Variants in TIAM2 observed in about 807,000 individuals in gnomAD.
TIAM2 encodes TIAM Rac1 associated GEF 2, also known as rho guanine nucleotide exchange factor TIAM2.
Under a neutral mutation model 152.9 loss-of-function variants are expected in TIAM2, and 80 were observed. That is an observed-to-expected ratio of 0.52 (90% CI 0.44 to 0.63). The LOEUF is 0.63. Ranked by LOEUF, TIAM2 falls within the 30% of genes least tolerant of loss-of-function variation. The probability of loss-of-function intolerance (pLI) is 0.00; values close to 1 mark genes in which losing one functional copy is unlikely to be tolerated. For missense variants in TIAM2, 1,965 were observed against 2,120.1 expected (o/e 0.93, Z 1.44); for synonymous variants, 804 against 838.0 (o/e 0.96, Z 0.70).
At chr6:155,233,402 G>A (rs1229889060) in intron 15 of TIAM2, among the ~76,000 whole-genome samples, 2 of 152,184 alleles carry the variant, frequency 1.3e-5, no homozygotes, top group Non-Finnish European at 2.9e-5. Flanking sequence ...GTGACTCAGA[G>A]CTTGGTTTGA....
In TIAM2 at chr6:155,256,984, CA is replaced by C; in HGVS notation, c.4970del (p.Gln1657ArgfsTer14). ...GTLLKAQIRH[Q>X]SLDSQSENAT... ...TTTGCTCAAGGCGCAGATCCGTCAC[CA>C]GTCCCTTGACAGTCAGTCTGAAAAT... is the stretch of plus-strand genomic sequence containing the variant. On this transcript the variant is annotated frameshift_variant, in exon 27 of 27. Transcript: ENST00000682666. LOFTEE classifies it high-confidence loss of function. 1 of 1,614,176 alleles carries C rather than the reference CA, an allele frequency of 6.2e-7. No individual in the cohort carries two copies.
chr6:155,038,941 T>C (rs955293218), intron 1 of TIAM2, among the ~76,000 whole-genome samples: 2 of 137,548 alleles, frequency 1.5e-5, no homozygotes, highest in African/African-American at 5.4e-5. Flanking sequence ...AGCGAGAGCC[T>C]GTGAGCATGT....
intron 14 of TIAM2, among the ~76,000 whole-genome samples, chr6:155,190,074 G>C (rs988151969): frequency 6.6e-6 from 1 of 152,196 alleles, no homozygotes; most frequent in Admixed American, 6.5e-5. Flanking sequence ...ATAACGTATC[G>C]TTGCATGTAT....
chr6:155,096,699 G>A (rs983367827), intron 2 of TIAM2, among the ~76,000 whole-genome samples: 1 of 151,972 alleles, frequency 6.6e-6, no homozygotes, highest in Non-Finnish European at 1.5e-5. Context: ...TCTTTTTATG[G>A]CTGAATAATA....
intron 9 of TIAM2, among the ~76,000 whole-genome samples, chr6:155,168,384 G>A (rs968267184): frequency 4.6e-5 from 7 of 151,502 alleles, no homozygotes; most frequent in African/African-American, 1.7e-4. Context: ...ATTTGATACA[G>A]TCTCGTGCTG....
At chr6:155,201,696 A>T (rs1488209731) in intron 14 of TIAM2, among the ~76,000 whole-genome samples, 2 of 152,236 alleles carry the variant, frequency 1.3e-5, no homozygotes, top group African/African-American at 4.8e-5. Flanking sequence ...GGTGGCTGGC[A>T]GCACCTTTCT....
chr6:155,251,131 C>T, intron 22 of TIAM2, 110 bp downstream of exon 22: 1 of 927,566 alleles, frequency 1.1e-6, no homozygotes, highest in East Asian at 2.4e-5. Context: ...GTCAGAATTG[C>T]TATAATGGTT....
intron 14 of TIAM2, among the ~76,000 whole-genome samples, chr6:155,205,321 A>C (rs1159822704): frequency 6.6e-6 from 1 of 151,180 alleles, no homozygotes; most frequent in Non-Finnish European, 1.5e-5. Flanking sequence ...TTGAAATTTT[A>C]AATTTAATTT....
intron 1 of TIAM2, among the ~76,000 whole-genome samples, chr6:155,025,463 G>T (rs1165730474): frequency 2.0e-5 from 3 of 151,820 alleles, no homozygotes; most frequent in Non-Finnish European, 4.4e-5. Flanking sequence ...TTACAGGCAT[G>T]AGCCACCGCG....
intron 7 of TIAM2, among the ~76,000 whole-genome samples, chr6:155,152,176 C>T (rs2115073389): frequency 6.6e-6 from 1 of 152,320 alleles, no homozygotes; most frequent in South Asian, 2.1e-4. Flanking sequence ...CAGTAACTTA[C>T]ACCCCTGAGC....
chr6:155,049,313 G>C (rs1208355284), intron 1 of TIAM2, among the ~76,000 whole-genome samples: 5 of 152,138 alleles, frequency 3.3e-5, no homozygotes, highest in Non-Finnish European at 7.3e-5. Context: ...ACGGTTAATG[G>C]CCTCCGTGGT....
chr6:155,216,271 T>G (rs939378652), intron 15 of TIAM2, among the ~76,000 whole-genome samples: 2 of 152,188 alleles, frequency 1.3e-5, no homozygotes, highest in Non-Finnish European at 2.9e-5. Context: ...CTGGGCTTCC[T>G]GCCCTAGCCC....
chr6:155,065,248 C>T (rs1261790452), intron 1 of TIAM2, among the ~76,000 whole-genome samples: 1 of 152,028 alleles, frequency 6.6e-6, no homozygotes. Flanking sequence ...GCCACCATAC[C>T]CGGCCATATA....
intron 16 of TIAM2, among the ~76,000 whole-genome samples, chr6:155,242,457 G>T (rs1309158256): frequency 6.6e-6 from 1 of 152,180 alleles, no homozygotes; most frequent in Non-Finnish European, 1.5e-5. Context: ...GAGCGGTCTG[G>T]CGTGGAATAT....
At chr6:155,215,042 T>C (rs573117579) in intron 15 of TIAM2, among the ~76,000 whole-genome samples, 7 of 152,174 alleles carry the variant, frequency 4.6e-5, no homozygotes, top group Admixed American at 1.3e-4. Context: ...TGGCACAGGA[T>C]GGTAGCTTGG....
At chr6:155,248,207 A>C (rs1280026812) in intron 20 of TIAM2, 28 bp downstream of exon 20, 1 of 1,606,534 alleles carries the variant, frequency 6.2e-7, no homozygotes, top group Non-Finnish European at 8.5e-7. Context: ...CCTCCGGGCG[A>C]GGGCCTGCAC....
chr6:155,118,019 G>A (rs1468760461), intron 2 of TIAM2, among the ~76,000 whole-genome samples: 1 of 152,168 alleles, frequency 6.6e-6, no homozygotes, highest in African/African-American at 2.4e-5. Context: ...CCACACTGAC[G>A]CTGAGCTGTT....
intron 1 of TIAM2, among the ~76,000 whole-genome samples, chr6:155,026,970 A>C (rs1300015864): frequency 6.6e-6 from 1 of 152,168 alleles, no homozygotes; most frequent in East Asian, 1.9e-4. Flanking sequence ...GATATTCTGC[A>C]TGTCCATATA....
intron 1 of TIAM2, chr6:155,013,667 A>G (rs991546305): frequency 1.3e-5 from 2 of 152,098 alleles, no homozygotes; most frequent in African/African-American, 4.8e-5. Context: ...GCCATATGGA[A>G]GTCTGAAGAG....
Sources: gnomAD v4.1 joint callset for allele counts (sites outside exome capture counted in the v4.1 genomes callset) on GRCh38, gnomAD v4.1.1 for gene constraint, MANE v1.5 for transcripts, NCBI Gene and HGNC (gene_info 2026-07-23, HGNC 2026-07-21) for gene names.